UFL1: variants seen among roughly 807,000 people sequenced by gnomAD.
The protein encoded by UFL1 is E3 UFM1-protein ligase 1.
A neutral mutation model predicts 99.3 loss-of-function variants in UFL1; 78 were observed. The observed-to-expected ratio is 0.79, with a 90% CI of 0.65 to 0.95. UFL1 has a LOEUF of 0.95. Ranked by LOEUF, UFL1 falls within the 40% of genes least tolerant of loss-of-function variation. The probability of loss-of-function intolerance (pLI) is 0.00; values close to 1 mark genes in which losing one functional copy is unlikely to be tolerated. For missense variants in UFL1, 936 were observed against 937.0 expected (o/e 1.00, Z 0.01); for synonymous variants, 335 against 322.2 (o/e 1.04, Z -0.42).
At chr6:96,535,149 C>T (rs531508676) in intron 7 of UFL1, among the ~76,000 whole-genome samples, 21 of 151,902 alleles carry the variant, frequency 1.4e-4, no homozygotes, top group Non-Finnish European at 2.4e-4. Flanking sequence ...AATTGAGGAT[C>T]GTGTGTTGTA....
At chr6:96,525,072 CTT>C (rs77037523) in intron 3 of UFL1, among the ~76,000 whole-genome samples, 10 of 141,872 alleles carry the variant, frequency 7.0e-5, no homozygotes, top group Admixed American at 7.0e-5. Context: ...TTCTTTCTTT[CTT>C]TTTTTTTTTT....
chr6:96,536,355 G>A lies in UFL1; in HGVS notation c.767G>A (p.Trp256Ter), dbSNP rs770388535. ...ATCTACTCCAGGACACAGAGTACTT[G>A]GGTGGATTCCTTTTTCAGGCAGAAT... Reference protein sequence around the residue: ...PDIYSRTQSTWVDSFFRQNGY... With the variant: ...PDIYSRTQST The change falls in exon 8 of 19, where the codon TGG becomes TAG. Residue 256 changes from tryptophan to a stop codon, truncating the protein, a stop_gained. Coordinates refer to ENST00000369278, the MANE Select transcript of UFL1 (RefSeq NM_015323.5). LOFTEE classifies it high-confidence loss of function. 10 of 1,607,488 alleles carry A rather than the reference G, an allele frequency of 6.2e-6. No individual in the cohort carries two copies. Among genetic ancestry groups the A allele is most frequent in the Non-Finnish European group, 8.5e-6 (10 of 1,175,612 alleles).
intron 7 of UFL1, among the ~76,000 whole-genome samples, chr6:96,535,691 C>A (rs1769842986): frequency 1.3e-5 from 2 of 151,948 alleles, no homozygotes; most frequent in South Asian, 4.1e-4. Context: ...ATCCTCTTAA[C>A]CAAGGCATTA....
chr6:96,531,248 C>T (rs1562251936), intron 6 of UFL1, among the ~76,000 whole-genome samples: 1 of 152,010 alleles, frequency 6.6e-6, no homozygotes, highest in East Asian at 1.9e-4. Context: ...TACATATACA[C>T]ATGTACATAC....
At chr6:96,524,018 A>G (rs1246072817) in intron 2 of UFL1, among the ~76,000 whole-genome samples, 1 of 152,142 alleles carries the variant, frequency 6.6e-6, no homozygotes, top group Non-Finnish European at 1.5e-5. Flanking sequence ...TTAGTATCAA[A>G]TAATTGAAAA....
intron 11 of UFL1, among the ~76,000 whole-genome samples, chr6:96,541,919 AT>A (rs1265803057): frequency 6.6e-6 from 1 of 151,160 alleles, no homozygotes; most frequent in Admixed American, 6.6e-5. Flanking sequence ...TGAAAATAGA[AT>A]TTTTTTATTA....
rs141584373 is a variant in UFL1 at position 96,533,080 on chromosome 6, G to A, written c.597-1183G>A. 7.4e-3 allele frequency among the ~76,000 whole-genome samples: 1,125 copies of A among 151,956 alleles called. 11 individuals are homozygous for A. The highest frequency in any genetic ancestry group is 0.022 in the African/African-American group (922 of 41,466). ...TTGAAATGTTAGAATTACTTAAGTC[G>A]TTTTGTTATATGCATTAAAAATGAA... On this transcript the variant is annotated intron_variant, in intron 6 of 18. Coordinates refer to ENST00000369278, the MANE Select transcript of UFL1 (RefSeq NM_015323.5).
intron 11 of UFL1, 89 bp from the exon 12 acceptor site, chr6:96,542,805 G>A (rs1769949063): frequency 4.0e-6 from 5 of 1,260,834 alleles, no homozygotes; most frequent in East Asian, 3.2e-5. Context: ...TTTTTCTGCT[G>A]TAAAGTTAAA....
chr6:96,534,409 TTTA>T lies in UFL1; in HGVS notation c.655+91_655+93del, dbSNP rs149140332. ...TACTAACTTTAATGTTTTTTCCTCT[TTTA>T]TTGTTAATGTAACTAAAATATTTCC... On this transcript the variant is annotated intron_variant, in intron 7 of 18. Transcript: ENST00000369278. 4.9e-4 allele frequency: 522 copies of T among 1,062,750 alleles called. No individual in the cohort carries two copies. In the African/African-American group the frequency reaches 7.8e-3, roughly 16 times the overall value. 65.8% of individuals were successfully genotyped at this position (1,062,750 alleles called of 1,614,324 possible). A position where few individuals can be genotyped will look rare whatever the true frequency, so the allele number is the denominator to read the frequency against.
At chr6:96,551,649 G>A in intron 16 of UFL1, 136 bp downstream of exon 16, 2 of 732,580 alleles carry the variant, frequency 2.7e-6, no homozygotes, top group Non-Finnish European at 4.3e-6. Context: ...TCTTTGAAAT[G>A]AGAAGAGAAG....
chr6:96,547,116 T>G (rs1287832756), intron 12 of UFL1, among the ~76,000 whole-genome samples: 1 of 151,014 alleles, frequency 6.6e-6, no homozygotes, highest in Non-Finnish European at 1.5e-5. Context: ...ATATCTAGAG[T>G]CTACGAAGAA....
chr6:96,538,802 G>A lies in UFL1; in HGVS notation c.1150G>A (p.Ala384Thr). The change falls in exon 10 of 19, where the codon GCT (alanine) becomes ACT (threonine). Residue 384 changes from alanine (A) to threonine (T), a missense_variant. Physicochemically the swap from Ala to Thr is moderately conservative, Grantham distance 58 (BLOSUM62 0). Coordinates refer to ENST00000369278, the MANE Select transcript of UFL1 (RefSeq NM_015323.5). ...ELFRELMHQK[A>T]EKEMKNNPVH... ...GTTCCGTGAGCTGATGCACCAGAAA[G>A]CTGAAAAGGTATTCCAGATTTCCTT... 1.3e-6 allele frequency: 2 copies of A among 1,597,464 alleles called. No homozygotes were observed. The highest frequency in any genetic ancestry group is 1.1e-5 in the South Asian group (1 of 88,710).
rs370055563 is a variant in UFL1 at position 96,551,453 on chromosome 6, T to C, written c.1839T>C (p.Ser613=). Residue 613 remains serine (S), a synonymous_variant, in exon 16 of 19, where the codon AGT becomes AGC. Transcript: ENST00000369278. ...TACAGATAAGAAAGAAAATTTTAAG[T>C]AAATTATCAGAAGAAACCAAAGTAG... The part of the protein sequence containing the change: ...ITSEIRKKIL[S]KLSEETKVAL... 9.0e-5 allele frequency: 137 copies of C among 1,524,652 alleles called. No homozygotes were observed. The highest frequency in any genetic ancestry group is 1.2e-4 in the Non-Finnish European group (134 of 1,129,144). The allele number at this position is 1,524,652 out of a possible 1,614,324, so 94.4% of individuals were successfully genotyped here.
At chr6:96,527,131 T>TG (rs1260647768) in intron 5 of UFL1, among the ~76,000 whole-genome samples, 3 of 151,792 alleles carry the variant, frequency 2.0e-5, no homozygotes, top group South Asian at 2.1e-4. Context: ...TACTTTTTTC[T>TG]GTTTTTTTTT....
At chr6:96,549,849 A>G (rs1368074006) in intron 15 of UFL1, 50 bp downstream of exon 15, 1 of 1,577,662 alleles carries the variant, frequency 6.3e-7, no homozygotes, top group East Asian at 2.3e-5. Context: ...TTTTGCATCT[A>G]TACACATTTT....
In UFL1 at chr6:96,523,488, ATGT is replaced by A. The variant is rs1421527276; in HGVS notation, c.223+201_223+203del. ...GGTCATATAATTTAAATGAACTCAA[ATGT>A]TGTCACTTAAAATATTTTATCATTT... On this transcript the variant is annotated intron_variant, in intron 2 of 18. Transcript: ENST00000369278. 5.9e-5 allele frequency among the ~76,000 whole-genome samples: 9 copies of A among 152,184 alleles called. 1 individual carries two copies. Among genetic ancestry groups the A allele is most frequent in the East Asian group, 3.8e-4 (2 of 5,206 alleles).
chr6:96,544,173 T>C (rs1007868436), intron 12 of UFL1, among the ~76,000 whole-genome samples: 2 of 151,062 alleles, frequency 1.3e-5, no homozygotes, highest in African/African-American at 4.8e-5. Flanking sequence ...TATGTACATT[T>C]TACTTTCATA....
rs201468082 is a variant in UFL1 at position 96,523,308 on chromosome 6, T to TG, written c.223+18dup. 6.4e-6 allele frequency: 10 copies of TG among 1,562,760 alleles called. No individual in the cohort carries two copies. The African/African-American group carries it at 9.8e-5, about 15-fold the overall frequency. ...TCCGAGGTGGTAGGTAATTCTTTAG[T>TG]GTTTTTTTTTTTCTTGGATTTTTGG... On this transcript the variant is annotated intron_variant, in intron 2 of 18. Coordinates refer to ENST00000369278, the MANE Select transcript of UFL1 (RefSeq NM_015323.5).
At chr6:96,522,154 G>GCAA (rs1769623248) in intron 1 of UFL1, among the ~76,000 whole-genome samples, 1 of 152,160 alleles carries the variant, frequency 6.6e-6, no homozygotes, top group Non-Finnish European at 1.5e-5. Flanking sequence ...GGACGCCCTG[G>GCAA]AGCCCCCCAG....
Sources: allele counts gnomAD v4.1 joint callset (sites outside exome capture counted in the v4.1 genomes callset), GRCh38; gene constraint gnomAD v4.1.1; transcripts MANE v1.5; gene names NCBI Gene and HGNC (gene_info 2026-07-23, HGNC 2026-07-21).